Variants in CRYBG3 observed in about 807,000 individuals in gnomAD.
The protein encoded by CRYBG3 is crystallin beta-gamma domain containing 3.
A neutral mutation model predicts 244.2 loss-of-function variants in CRYBG3; 127 were observed. The observed-to-expected ratio is 0.52, with a 90% CI of 0.45 to 0.60. CRYBG3 has a LOEUF of 0.60. Among genes scored for constraint, CRYBG3 ranks in the 20% least tolerant of loss-of-function variants. CRYBG3 has a pLI of 0.00. For synonymous variants in CRYBG3, 1,132 were observed against 1,195.8 expected (o/e 0.95, Z 1.10); for missense variants, 3,325 against 3,442.5 (o/e 0.97, Z 0.85).
At chr3:97,901,729 A>G (rs537400805) in intron 15 of CRYBG3, among the ~76,000 whole-genome samples, 1 of 152,246 alleles carries the variant, frequency 6.6e-6, no homozygotes, top group East Asian at 1.9e-4. Flanking sequence ...CATTTTTTAA[A>G]TCTCTGTTTC....
chr3:97,903,057 C>G (rs1433855110), intron 15 of CRYBG3, among the ~76,000 whole-genome samples: 3 of 152,112 alleles, frequency 2.0e-5, no homozygotes, highest in Admixed American at 2.0e-4. Flanking sequence ...TTTCTAGAAT[C>G]TTTTTAAAGT....
intron 1 of CRYBG3, among the ~76,000 whole-genome samples, chr3:97,828,597 C>T (rs1377307388): frequency 2.0e-5 from 3 of 150,188 alleles, no homozygotes; most frequent in South Asian, 2.1e-4. Flanking sequence ...GAGGCCAAGG[C>T]GGGTGGATCA....
rs1444069904 is a variant in CRYBG3, at chr3:97,876,538, T to G, written c.5344T>G (p.Leu1782Val). The G allele has an allele frequency of 1.6e-6, 2 of 1,232,048 alleles. No individual in the cohort carries two copies. Among genetic ancestry groups the G allele is most frequent in the African/African-American group, 3.1e-5 (2 of 64,384 alleles). The allele number at this position is 1,232,048 out of a possible 1,614,324, so 76.3% of individuals were successfully genotyped here. A position where few individuals can be genotyped will look rare whatever the true frequency, so the allele number is the denominator to read the frequency against. ...TACCGGGAACACTGAAGGGTCTGTG[T>G]TGAAAATGGAAGCTACTTACCGAAA... ...GFTGNTEGSVLKMEATYRKTA... is the reference protein window; with the variant it reads ...GFTGNTEGSVVKMEATYRKTA... The change falls in exon 4 of 22, where the codon TTG becomes GTG. Residue 1782 changes from leucine (L) to valine (V), a missense_variant. Around this residue, in one of 4 missense-constraint regions of CRYBG3, gnomAD observed 635 missense variants for 771.7 expected, o/e 0.82. Transcript: ENST00000389622.
chr3:97,881,440 G>A (rs2039445475), intron 7 of CRYBG3, among the ~76,000 whole-genome samples: 1 of 152,178 alleles, frequency 6.6e-6, no homozygotes, highest in African/African-American at 2.4e-5. Flanking sequence ...CATGGGCCGG[G>A]CGTGGTGGCT....
At chr3:97,883,029 A>G (rs1053572993) in intron 7 of CRYBG3, among the ~76,000 whole-genome samples, 1 of 152,168 alleles carries the variant, frequency 6.6e-6, no homozygotes, top group Non-Finnish European at 1.5e-5. Context: ...AGCGTTCTCC[A>G]GGGCACACAG....
At chr3:97,932,451 A>G (rs2040108051) in intron 17 of CRYBG3, among the ~76,000 whole-genome samples, 1 of 151,998 alleles carries the variant, frequency 6.6e-6, no homozygotes, top group African/African-American at 2.4e-5. Flanking sequence ...GCAAAGAAAA[A>G]CTATTTCATA....
chr3:97,923,864 G>A (rs377270447), intron 17 of CRYBG3, among the ~76,000 whole-genome samples: 1 of 151,978 alleles, frequency 6.6e-6, no homozygotes. Context: ...GTAAAGATAT[G>A]GTCTTCCCCA....
chr3:97,823,629 A>G (rs191487496), intron 1 of CRYBG3, among the ~76,000 whole-genome samples: 5 of 152,230 alleles, frequency 3.3e-5, no homozygotes, highest in African/African-American at 1.2e-4. Flanking sequence ...TAAGTCTGAC[A>G]GATCTCATCC....
intron 17 of CRYBG3, among the ~76,000 whole-genome samples, chr3:97,929,675 G>A (rs961651568): frequency 6.6e-6 from 1 of 151,842 alleles, no homozygotes; most frequent in Non-Finnish European, 1.5e-5. Context: ...ATTTTTCCAC[G>A]CTGGTTTATT....
intron 15 of CRYBG3, among the ~76,000 whole-genome samples, chr3:97,906,118 A>G (rs2039771770): frequency 6.7e-6 from 1 of 149,554 alleles, no homozygotes; most frequent in Non-Finnish European, 1.5e-5. Context: ...CTGTTTTGGT[A>G]CCAGTACCAT....
At chr3:97,849,292 G>A (rs2038950195) in intron 2 of CRYBG3, among the ~76,000 whole-genome samples, 1 of 152,168 alleles carries the variant, frequency 6.6e-6, no homozygotes, top group Non-Finnish European at 1.5e-5. Context: ...GCTTGAAAAT[G>A]GTGGTGATTT....
At chr3:97,926,450 C>G (rs2040041436) in intron 17 of CRYBG3, among the ~76,000 whole-genome samples, 1 of 151,862 alleles carries the variant, frequency 6.6e-6, no homozygotes, top group South Asian at 2.1e-4. Context: ...TATGACAAGC[C>G]CATTGCCAGC....
chr3:97,905,167 A>C (rs1436537567), intron 15 of CRYBG3, among the ~76,000 whole-genome samples: 1 of 151,986 alleles, frequency 6.6e-6, no homozygotes, highest in Non-Finnish European at 1.5e-5. Context: ...GGTTGGTTCC[A>C]AGTCTTTGCT....
chr3:97,911,784 A>G (rs910048685), intron 15 of CRYBG3, among the ~76,000 whole-genome samples: 4 of 152,196 alleles, frequency 2.6e-5, no homozygotes, highest in African/African-American at 9.6e-5. Flanking sequence ...TTAGCACTAA[A>G]TTGCTTCTTA....
intron 2 of CRYBG3, among the ~76,000 whole-genome samples, chr3:97,849,307 T>C (rs527938089): frequency 1.3e-5 from 2 of 152,210 alleles, no homozygotes; most frequent in Non-Finnish European, 2.9e-5. Flanking sequence ...TGATTTATTC[T>C]GGGTGAATAG....
chr3:97,892,886 C>G lies in CRYBG3; in HGVS notation c.7467C>G (p.Phe2489Leu), dbSNP rs765095336. The change falls in exon 11 of 22, where the codon TTC becomes TTG. Residue 2489 changes from phenylalanine (F) to leucine (L), a missense_variant. By Grantham distance (22) the Phe-to-Leu change is conservative. Transcript: ENST00000389622. Reference protein sequence around the residue: ...LKVIIYEKPHFHGQAKEFSEH... With the variant: ...LKVIIYEKPHLHGQAKEFSEH... ...TTATTATTTATGAAAAACCTCACTT[C>G]CATGGACAGGCTAAAGAGTTTAGTG... The G allele has an allele frequency of 3.3e-6, 5 of 1,534,892 alleles. No individual in the cohort carries two copies. The highest frequency in any genetic ancestry group is 1.4e-5 in the African/African-American group (1 of 71,982).
At chr3:97,941,603 G>A (rs887432608) in intron 20 of CRYBG3, among the ~76,000 whole-genome samples, 4 of 151,834 alleles carry the variant, frequency 2.6e-5, no homozygotes, top group Non-Finnish European at 4.4e-5. Context: ...GTTGGACAAT[G>A]TGCTTTTGTA....
intron 15 of CRYBG3, 100 bp downstream of exon 15, chr3:97,900,585 G>A: frequency 1.3e-6 from 1 of 750,404 alleles, no homozygotes; most frequent in South Asian, 1.6e-5. Flanking sequence ...ACTTTTATGT[G>A]TCTCTCTGGC....
At chr3:97,895,826 T>C (rs1324376537) in intron 11 of CRYBG3, 133 bp from the exon 12 acceptor site, 2 of 731,514 alleles carry the variant, frequency 2.7e-6, no homozygotes, top group Non-Finnish European at 4.4e-6. Flanking sequence ...TCTTTATAAA[T>C]GAAACAAAAC....
Sources: gnomAD v4.1 joint callset for allele counts (sites outside exome capture counted in the v4.1 genomes callset) on GRCh38, gnomAD v4.1.1 for gene constraint, gnomAD v4.1.1 regional missense constraint, MANE v1.5 for transcripts, NCBI Gene and HGNC (gene_info 2026-07-23, HGNC 2026-07-21) for gene names.